The following EMCN variants were observed in gnomAD, a reference collection of about 807,000 sequenced individuals.
The protein encoded by EMCN is MUC-14.
In EMCN, 37 loss-of-function variants were observed where a neutral mutation model predicts 38.4. That is an observed-to-expected ratio of 0.96 (90% CI 0.74 to 1.27). The LOEUF is 1.27. EMCN is among the 50% of genes most tolerant of loss of function. The pLI, the probability that EMCN is intolerant of heterozygous loss-of-function variation, is 0.00. For synonymous variants in EMCN, 95 were observed against 100.8 expected, an observed-to-expected ratio of 0.94 and a Z score of 0.35; for missense variants, 318 against 302.8, an observed-to-expected ratio of 1.05 and a Z score of -0.37.
At chr4:100,474,227 A>G (rs1166738830) in intron 3 of EMCN, 5 of 152,234 alleles carry the variant, frequency 3.3e-5, no homozygotes, top group African/African-American at 1.2e-4. Context: ...CATTTTTCCA[A>G]GGACAATACA....
intron 5 of EMCN, among the ~76,000 whole-genome samples, chr4:100,442,149 CT>C (rs1448824062): frequency 1.3e-5 from 2 of 152,124 alleles, no homozygotes; most frequent in Admixed American, 1.3e-4. Flanking sequence ...TGAAGGAGAG[CT>C]TTGTTGAACA....
intron 2 of EMCN, among the ~76,000 whole-genome samples, 193 bp from the exon 3 acceptor site, chr4:100,475,302 T>C (rs200622059): frequency 1.4e-5 from 2 of 143,038 alleles, no homozygotes; most frequent in African/African-American, 2.6e-5. Flanking sequence ...TTGGGTGGCC[T>C]ACACACACAC....
intron 4 of EMCN, among the ~76,000 whole-genome samples, chr4:100,464,493 G>A (rs1045636629): frequency 6.6e-5 from 10 of 152,062 alleles, no homozygotes; most frequent in African/African-American, 2.4e-4. Flanking sequence ...AAAACATTAA[G>A]TCTTTCATTA....
At chr4:100,458,826 A>G (rs1728089033) in intron 4 of EMCN, among the ~76,000 whole-genome samples, 1 of 152,142 alleles carries the variant, frequency 6.6e-6, no homozygotes, top group South Asian at 2.1e-4. Flanking sequence ...TACTAGACAA[A>G]AAACTCTGCC....
chr4:100,501,736 T>C (rs557330874), intron 1 of EMCN, among the ~76,000 whole-genome samples: 1 of 152,270 alleles, frequency 6.6e-6, no homozygotes, highest in Admixed American at 6.5e-5. Flanking sequence ...CTTTTTTATG[T>C]TTCCGTAAAT....
intron 1 of EMCN, among the ~76,000 whole-genome samples, chr4:100,508,842 T>G (rs1205561539): frequency 6.6e-6 from 1 of 152,194 alleles, no homozygotes; most frequent in Non-Finnish European, 1.5e-5. Flanking sequence ...AATTCAAAGT[T>G]AAGTATTTTC....
At position 100,465,453 on chromosome 4, in the gene EMCN, C is replaced by T; in HGVS notation, c.346G>A (p.Val116Ile). The change falls in exon 4 of 12, where the codon GTT becomes ATT. Residue 116 changes from valine (V) to isoleucine (I), a missense_variant. Coordinates refer to ENST00000296420, the MANE Select transcript of EMCN (RefSeq NM_016242.4). ...GGTTTGGAACTTTGTAATGTTGAAA[C>T]AGCATTTGGAAGTGTAACACTTGTT... ...TVTSVTLPNA[V>I]STLQSSKPKT... is the part of the protein sequence containing the mutation. 1 of 1,606,166 alleles carries T rather than the reference C, an allele frequency of 6.2e-7. No individual in the cohort carries two copies. The highest frequency in any genetic ancestry group is 8.5e-7 in the Non-Finnish European group (1 of 1,174,718).
intron 1 of EMCN, among the ~76,000 whole-genome samples, chr4:100,494,920 T>C (rs1729172744): frequency 6.6e-6 from 1 of 151,906 alleles, no homozygotes; most frequent in Non-Finnish European, 1.5e-5. Context: ...AAACCTCCCA[T>C]CACCTACCAA....
chr4:100,422,271 A>C (rs1010814390), intron 7 of EMCN, among the ~76,000 whole-genome samples: 2 of 152,076 alleles, frequency 1.3e-5, no homozygotes, highest in Non-Finnish European at 2.9e-5. Flanking sequence ...CTGATTTCAT[A>C]ATAGACCTTA....
chr4:100,508,029 G>A (rs1051643245), intron 1 of EMCN, among the ~76,000 whole-genome samples: 3 of 152,170 alleles, frequency 2.0e-5, no homozygotes, highest in Admixed American at 6.5e-5. Context: ...CAGAAGAAGC[G>A]TATCTAGTGA....
At chr4:100,421,526 A>G (rs1170053197) in intron 7 of EMCN, 149 bp from the exon 8 acceptor site, 1 of 670,506 alleles carries the variant, frequency 1.5e-6, no homozygotes, top group East Asian at 2.8e-5. Context: ...CCTCTGATTC[A>G]TGGGGTTTGC....
intron 11 of EMCN, among the ~76,000 whole-genome samples, chr4:100,409,215 A>AT (rs1726481045): frequency 6.6e-6 from 1 of 151,634 alleles, no homozygotes; most frequent in African/African-American, 2.4e-5. Context: ...CTGGACACGT[A>AT]TTTATTTTAT....
intron 5 of EMCN, among the ~76,000 whole-genome samples, chr4:100,435,764 A>G (rs1057497221): frequency 8.5e-5 from 13 of 152,176 alleles, no homozygotes; most frequent in Non-Finnish European, 1.8e-4. Flanking sequence ...CCTGACAAAA[A>G]CAAGCAATGG....
At chr4:100,444,959 C>T (rs1433264) in intron 5 of EMCN, among the ~76,000 whole-genome samples, 137,868 of 152,146 alleles carry the variant, frequency 0.91, 62,512 homozygotes, top group South Asian at 0.96. Flanking sequence ...GTGGAGATGA[C>T]GGAGGTTGTT....
chr4:100,424,394 G>A (rs1177594321), intron 5 of EMCN, among the ~76,000 whole-genome samples: 4 of 151,970 alleles, frequency 2.6e-5, no homozygotes, highest in Admixed American at 2.6e-4. Flanking sequence ...GGGTACAGGG[G>A]GTATGCAGTC....
intron 5 of EMCN, among the ~76,000 whole-genome samples, chr4:100,443,222 T>C (rs1727571248): frequency 6.6e-6 from 1 of 152,256 alleles, no homozygotes; most frequent in African/African-American, 2.4e-5. Context: ...ATTGGAGAAC[T>C]ATGATTTCCG....
At chr4:100,449,909 C>CT (rs1166070589) in intron 4 of EMCN, among the ~76,000 whole-genome samples, 6 of 151,742 alleles carry the variant, frequency 4.0e-5, no homozygotes, top group Non-Finnish European at 8.8e-5. Flanking sequence ...GAATATATTC[C>CT]TTTTTTCCCT....
chr4:100,491,589 C>T (rs946379227), intron 1 of EMCN, among the ~76,000 whole-genome samples: 3 of 152,184 alleles, frequency 2.0e-5, no homozygotes, highest in Non-Finnish European at 4.4e-5. Context: ...TCAGCAACTC[C>T]ACCTAACCTT....
Position 100,449,299 on chromosome 4 carries a change from G to A in EMCN, c.377-1728C>T, listed in dbSNP as rs574400665. ...TATCTTATTAGTTGATACCTATAAG[G>A]GAAATATTGTATTTCCATTTTGCAG... On this transcript the variant is annotated intron_variant, in intron 4 of 11. Coordinates refer to ENST00000296420, the MANE Select transcript of EMCN (RefSeq NM_016242.4). Among the ~76,000 whole-genome samples the A allele has an allele frequency of 2.4e-3, 369 of 152,010 alleles. 2 individuals carry two copies. Among genetic ancestry groups the A allele is most frequent in the African/African-American group, 8.6e-3 (356 of 41,452 alleles).
Sources: allele counts gnomAD v4.1 joint callset (sites outside exome capture counted in the v4.1 genomes callset), GRCh38; gene constraint gnomAD v4.1.1; transcripts MANE v1.5; gene names NCBI Gene and HGNC (gene_info 2026-07-23, HGNC 2026-07-21).